NECAB1: variants seen among roughly 807,000 people sequenced by gnomAD.
NECAB1 encodes N-terminal EF-hand calcium binding protein 1.
Under a neutral mutation model 57.5 loss-of-function variants are expected in NECAB1, and 29 were observed. That is an observed-to-expected ratio of 0.50 (90% confidence interval 0.38 to 0.69). The LOEUF (loss-of-function observed/expected upper bound fraction) is 0.69, where lower values mean the gene tolerates loss of function less well. Ranked by LOEUF, NECAB1 falls within the 30% of genes least tolerant of loss-of-function variation. The pLI is 0.00. For missense variants in NECAB1, 372 were observed against 413.8 expected (o/e 0.90, Z 0.88); for synonymous variants, 142 against 147.7 (o/e 0.96, Z 0.28).
chr8:90,915,579 G>T (rs994903879), intron 5 of NECAB1, among the ~76,000 whole-genome samples: 1 of 152,104 alleles, frequency 6.6e-6, no homozygotes, highest in African/African-American at 2.4e-5. Flanking sequence ...ATTGGTCAGG[G>T]TTCTCTAGAG....
chr8:90,836,160 G>C (rs1812367927), intron 3 of NECAB1, among the ~76,000 whole-genome samples: 2 of 152,250 alleles, frequency 1.3e-5, no homozygotes, highest in South Asian at 4.2e-4. Context: ...ACGTTCAAAT[G>C]AGGAGTTTCT....
At chr8:90,883,395 G>T (rs920958942) in intron 5 of NECAB1, among the ~76,000 whole-genome samples, 2 of 152,152 alleles carry the variant, frequency 1.3e-5, no homozygotes, top group Non-Finnish European at 2.9e-5. Flanking sequence ...CTAGCACATG[G>T]ACCCTTCAGA....
chr8:90,801,354 A>G (rs1418630344), intron 1 of NECAB1, among the ~76,000 whole-genome samples: 1 of 152,164 alleles, frequency 6.6e-6, no homozygotes, highest in East Asian at 1.9e-4. Flanking sequence ...AATTATAAGT[A>G]GGTATTATTT....
chr8:90,939,276 G>A, intron 9 of NECAB1, among the ~76,000 whole-genome samples: 1 of 152,230 alleles, frequency 6.6e-6, no homozygotes, highest in East Asian at 1.9e-4. Flanking sequence ...CCAAGAGAAA[G>A]AGTGGAAATC....
intron 5 of NECAB1, among the ~76,000 whole-genome samples, chr8:90,896,035 G>A (rs565851672): frequency 1.7e-4 from 26 of 152,238 alleles, no homozygotes; most frequent in African/African-American, 6.0e-4. Flanking sequence ...CTGCAGATGA[G>A]TCTTAAGAAT....
chr8:90,932,186 T>C (rs932680646), intron 8 of NECAB1, among the ~76,000 whole-genome samples: 1 of 152,174 alleles, frequency 6.6e-6, no homozygotes, highest in Non-Finnish European at 1.5e-5. Context: ...AGGAGATTAC[T>C]AGGCTACAGT....
chr8:90,927,993 C>G, intron 7 of NECAB1, among the ~76,000 whole-genome samples: 1 of 117,902 alleles, frequency 8.5e-6, no homozygotes, highest in Non-Finnish European at 1.6e-5. Flanking sequence ...ATATCAAAGG[C>G]CAAATAGGCA....
At chr8:90,801,832 T>A in intron 2 of NECAB1, 117 bp downstream of exon 2, 1 of 663,814 alleles carries the variant, frequency 1.5e-6, no homozygotes. Flanking sequence ...AATACTACCT[T>A]ATTGTACTAG....
intron 10 of NECAB1, among the ~76,000 whole-genome samples, chr8:90,949,387 G>A (rs1810880699): frequency 6.6e-6 from 1 of 152,178 alleles, no homozygotes; most frequent in East Asian, 1.9e-4. Flanking sequence ...GAATTTGGCA[G>A]AGGTATGGTG....
intron 10 of NECAB1, among the ~76,000 whole-genome samples, chr8:90,945,278 G>A (rs1056978822): frequency 2.6e-5 from 4 of 152,140 alleles, no homozygotes; most frequent in African/African-American, 9.7e-5. Flanking sequence ...CTGTTGCCCA[G>A]GCTGGTCGCG....
chr8:90,890,859 A>G (rs190692282), intron 5 of NECAB1, among the ~76,000 whole-genome samples: 1 of 152,328 alleles, frequency 6.6e-6, no homozygotes, highest in Admixed American at 6.5e-5. Context: ...ATAAAGCAAA[A>G]TGGGTAATTT....
At position 90,822,967 on chromosome 8, in the gene NECAB1, C is replaced by T. The variant is rs186840463; in HGVS notation, c.125-1750C>T. 3.3e-5 allele frequency among the ~76,000 whole-genome samples: 5 copies of T among 151,524 alleles called. No homozygotes were observed. In the East Asian group the frequency reaches 9.7e-4, roughly 29 times the overall value. On this transcript the variant is annotated intron_variant, in intron 2 of 12. Coordinates refer to ENST00000417640, the MANE Select transcript of NECAB1 (RefSeq NM_022351.5). ...TTCAACCTGGCAATACATTTTTCAT[C>T]AAAGCAAGGAGATACACAGTAGAAA...
chr8:90,959,154 A>G lies in NECAB1; in HGVS notation c.*3642A>G. 1 of 492,462 alleles carries G rather than the reference A, an allele frequency of 2.0e-6. No homozygotes were observed. Among genetic ancestry groups the G allele is most frequent in the Non-Finnish European group, 3.5e-6 (1 of 283,502 alleles). 30.5% of individuals were successfully genotyped at this position (492,462 alleles called of 1,614,324 possible). ...CAGATTTAAATGCATGTTACCATAG[A>G]AACTATTAAAGTAACTAGAACTGTC... On this transcript the variant is annotated 3_prime_UTR_variant, in exon 13 of 13. Transcript: ENST00000417640.
intron 3 of NECAB1, among the ~76,000 whole-genome samples, chr8:90,860,627 G>T (rs753895559): frequency 6.6e-6 from 1 of 152,116 alleles, no homozygotes; most frequent in South Asian, 2.1e-4. Context: ...ATGGATAGAT[G>T]AATAAAAAGA....
intron 5 of NECAB1, among the ~76,000 whole-genome samples, chr8:90,905,036 C>G (rs1180489716): frequency 6.6e-6 from 1 of 152,082 alleles, no homozygotes; most frequent in Non-Finnish European, 1.5e-5. Context: ...AAAATATAAA[C>G]TATACCTTTA....
intron 3 of NECAB1, among the ~76,000 whole-genome samples, chr8:90,841,042 G>C (rs911464592): frequency 2.6e-5 from 4 of 151,794 alleles, no homozygotes; most frequent in Non-Finnish European, 5.9e-5. Flanking sequence ...CGGATCACGA[G>C]GTCAGGAGAT....
chr8:90,868,579 C>A (rs1484473206), intron 3 of NECAB1, among the ~76,000 whole-genome samples: 4 of 152,102 alleles, frequency 2.6e-5, no homozygotes, highest in Admixed American at 6.5e-5. Context: ...ATCTGTGGAA[C>A]TTTGAATTTG....
At chr8:90,921,590 C>G (rs1289518118) in intron 6 of NECAB1, among the ~76,000 whole-genome samples, 1 of 152,064 alleles carries the variant, frequency 6.6e-6, no homozygotes, top group East Asian at 1.9e-4. Flanking sequence ...AGAAGAATCA[C>G]TTGAACCCAG....
chr8:90,916,414 G>C (rs1004063481), intron 5 of NECAB1, among the ~76,000 whole-genome samples: 6 of 152,166 alleles, frequency 3.9e-5, no homozygotes, highest in Admixed American at 3.9e-4. Flanking sequence ...AGGAAGGTTA[G>C]ATACCTAAAT....
Sources: gnomAD v4.1 joint callset for allele counts (sites outside exome capture counted in the v4.1 genomes callset) on GRCh38, gnomAD v4.1.1 for gene constraint, MANE v1.5 for transcripts, NCBI Gene and HGNC (gene_info 2026-07-23, HGNC 2026-07-21) for gene names.